The following IQCM variants were observed in gnomAD, a reference collection of about 807,000 sequenced individuals.
The protein encoded by IQCM is IQ motif containing M.
A neutral mutation model predicts 57.6 loss-of-function variants in IQCM; 45 were observed. That is an observed-to-expected ratio of 0.78 (90% CI 0.62 to 1.00). IQCM has a LOEUF of 1.00. IQCM is among the 50% of genes least tolerant of loss of function. The probability of loss-of-function intolerance (pLI) is 0.00; values close to 1 mark genes in which losing one functional copy is unlikely to be tolerated. For missense variants in IQCM, 468 were observed against 511.6 expected, an observed-to-expected ratio of 0.91 and a Z score of 0.82; for synonymous variants, 148 against 158.9, an observed-to-expected ratio of 0.93 and a Z score of 0.51.
chr4:149,415,231 C>T (rs1733659979), intron 13 of IQCM, among the ~76,000 whole-genome samples: 1 of 152,154 alleles, frequency 6.6e-6, no homozygotes, highest in Admixed American at 6.6e-5. Flanking sequence ...ACATTGCAAT[C>T]ATTGGCTTCT....
intron 8 of IQCM, among the ~76,000 whole-genome samples, chr4:149,604,684 C>T (rs1345663117): frequency 2.0e-5 from 3 of 152,146 alleles, no homozygotes; most frequent in African/African-American, 7.2e-5. Context: ...AGTGCTAAAC[C>T]TTCCCTAGTT....
At chr4:149,568,350 A>G (rs1253907839) in intron 9 of IQCM, among the ~76,000 whole-genome samples, 1 of 152,158 alleles carries the variant, frequency 6.6e-6, no homozygotes, top group Non-Finnish European at 1.5e-5. Context: ...AAGACTCATG[A>G]TCCTTGACCT....
intron 7 of IQCM, among the ~76,000 whole-genome samples, chr4:149,656,139 C>G (rs1759616445): frequency 6.6e-6 from 1 of 151,836 alleles, no homozygotes; most frequent in African/African-American, 2.4e-5. Context: ...CTGTGAAACT[C>G]AAAGGAGAGC....
intron 12 of IQCM, among the ~76,000 whole-genome samples, chr4:149,481,705 T>TTTTTTTTTTTGTTTGTTTG (rs1560895912): frequency 7.5e-6 from 1 of 133,126 alleles, no homozygotes; most frequent in African/African-American, 2.8e-5. Flanking sequence ...AGTTTTGTTT[T>TTTTTTTTTTTGTTTGTTTG]TTTTTTTTTT....
At chr4:149,657,495 GA>G in intron 7 of IQCM, among the ~76,000 whole-genome samples, 1 of 152,078 alleles carries the variant, frequency 6.6e-6, no homozygotes, top group East Asian at 1.9e-4. Flanking sequence ...TATCTCAACA[GA>G]CAGAATTCAT....
intron 13 of IQCM, among the ~76,000 whole-genome samples, chr4:149,405,352 A>T (rs1732902632): frequency 6.6e-6 from 1 of 151,662 alleles, no homozygotes; most frequent in Non-Finnish European, 1.5e-5. Flanking sequence ...CTCCCAAGAC[A>T]TTAGAGATGG....
intron 13 of IQCM, among the ~76,000 whole-genome samples, chr4:149,371,818 A>G (rs1730388357): frequency 6.6e-6 from 1 of 152,148 alleles, no homozygotes; most frequent in Non-Finnish European, 1.5e-5. Flanking sequence ...TTAATTCATG[A>G]AAAACCCCAA....
At chr4:149,645,000 C>T (rs2150122364) in intron 7 of IQCM, among the ~76,000 whole-genome samples, 1 of 152,284 alleles carries the variant, frequency 6.6e-6, no homozygotes, top group East Asian at 1.9e-4. Flanking sequence ...TGGTTATAGA[C>T]TGGACTCTCC....
intron 12 of IQCM, among the ~76,000 whole-genome samples, chr4:149,495,530 G>A (rs1579259966): frequency 6.6e-6 from 1 of 152,098 alleles, no homozygotes; most frequent in Non-Finnish European, 1.5e-5. Context: ...AAACACATGT[G>A]CACCTGCACA....
chr4:149,789,676 A>ATT (rs1359565053), intron 2 of IQCM, among the ~76,000 whole-genome samples: 1 of 152,080 alleles, frequency 6.6e-6, no homozygotes, highest in Non-Finnish European at 1.5e-5. Flanking sequence ...GAGGCTAAGG[A>ATT]GTTGGGAGGA....
At chr4:149,731,404 T>A (rs1416428566) in intron 5 of IQCM, among the ~76,000 whole-genome samples, 4 of 152,158 alleles carry the variant, frequency 2.6e-5, no homozygotes, top group Non-Finnish European at 4.4e-5. Context: ...CACATGCTAG[T>A]TAGTACCTTG....
intron 5 of IQCM, among the ~76,000 whole-genome samples, chr4:149,701,705 C>A (rs778269554): frequency 2.0e-5 from 3 of 151,818 alleles, no homozygotes; most frequent in African/African-American, 2.4e-5. Flanking sequence ...AAAAAATCAG[C>A]CTATATCACT....
chr4:149,392,456 T>A (rs143215215), intron 13 of IQCM, among the ~76,000 whole-genome samples: 1 of 152,018 alleles, frequency 6.6e-6, no homozygotes. Context: ...AGTAGAAGAA[T>A]GGACTAGATT....
intron 2 of IQCM, among the ~76,000 whole-genome samples, chr4:149,810,245 C>G (rs1163285785): frequency 2.0e-5 from 3 of 151,500 alleles, no homozygotes; most frequent in Non-Finnish European, 4.4e-5. Context: ...GCCTGTAATT[C>G]CAGCTACTTG....
intron 13 of IQCM, among the ~76,000 whole-genome samples, chr4:149,427,073 T>G (rs1386495738): frequency 6.6e-6 from 1 of 151,906 alleles, no homozygotes; most frequent in African/African-American, 2.4e-5. Flanking sequence ...TCCTTTTTTT[T>G]AATTTCTAGA....
At chr4:149,757,516 C>CA (rs1265887190) in intron 2 of IQCM, among the ~76,000 whole-genome samples, 2 of 151,396 alleles carry the variant, frequency 1.3e-5, no homozygotes, top group African/African-American at 2.4e-5. Flanking sequence ...GAAATAATAA[C>CA]AAAAAAATTT....
At chr4:149,595,341 A>G (rs1753669642) in intron 8 of IQCM, among the ~76,000 whole-genome samples, 1 of 152,090 alleles carries the variant, frequency 6.6e-6, no homozygotes, top group Admixed American at 6.6e-5. Context: ...TTTTTTAAGT[A>G]GGAAGGGATT....
chr4:149,464,996 G>C (rs1738695059), intron 12 of IQCM, among the ~76,000 whole-genome samples: 1 of 152,086 alleles, frequency 6.6e-6, no homozygotes, highest in Admixed American at 6.5e-5. Context: ...GCAAAGAGAA[G>C]AAAACCATGC....
chr4:149,393,938 A>G lies in IQCM; in HGVS notation c.1390+39458T>C, dbSNP rs921242029. Among the ~76,000 whole-genome samples the G allele has an allele frequency of 3.3e-5, 5 of 151,920 alleles. No homozygotes were observed. The South Asian group carries it at 1.0e-3, about 31-fold the overall frequency. On this transcript the variant is annotated intron_variant, in intron 13 of 13. Transcript: ENST00000636793. ...AGAAAATGGAAACAACAAAACAAAA[A>G]CCTCTAAACAAATGTTGCATGGATA...
Sources: allele counts gnomAD v4.1 joint callset (sites outside exome capture counted in the v4.1 genomes callset), GRCh38; gene constraint gnomAD v4.1.1; transcripts MANE v1.5; gene names NCBI Gene and HGNC (gene_info 2026-07-23, HGNC 2026-07-21).